Variants in STK32B observed in about 807,000 individuals in gnomAD.
The protein encoded by STK32B is serine/threonine-protein kinase 32B.
In STK32B, 43 loss-of-function variants were observed where a neutral mutation model predicts 52.6. The observed-to-expected ratio is 0.82, with a 90% confidence interval of 0.64 to 1.05. STK32B has a LOEUF of 1.05. STK32B is among the 50% of genes least tolerant of loss of function. STK32B has a pLI of 0.00. For missense variants in STK32B, 621 were observed against 534.6 expected (o/e 1.16, Z -1.59); for synonymous variants, 238 against 204.3 (o/e 1.17, Z -1.41).
intron 3 of STK32B, among the ~76,000 whole-genome samples, chr4:5,301,030 A>G (rs11729749): frequency 0.14 from 20,923 of 152,094 alleles, 2,887 homozygotes; most frequent in African/African-American, 0.36. Context: ...TTCTGAATAT[A>G]TTAAGATGAT....
chr4:5,384,574 G>A (rs540996974), intron 4 of STK32B, among the ~76,000 whole-genome samples: 28 of 152,144 alleles, frequency 1.8e-4, no homozygotes, highest in Non-Finnish European at 2.8e-4. Context: ...CTGCAGCCAC[G>A]TTCAGCTGGG....
chr4:5,492,530 A>G (rs1302964963), intron 11 of STK32B, among the ~76,000 whole-genome samples: 1 of 151,768 alleles, frequency 6.6e-6, no homozygotes, highest in African/African-American at 2.4e-5. Flanking sequence ...AAGAGGGACA[A>G]TTTGACTTCC....
chr4:5,348,579 G>T (rs1480791133), intron 4 of STK32B, among the ~76,000 whole-genome samples: 2 of 152,184 alleles, frequency 1.3e-5, no homozygotes, highest in Non-Finnish European at 2.9e-5. Context: ...GCAGGGTGCT[G>T]TGGGGCTGAA....
intron 6 of STK32B, among the ~76,000 whole-genome samples, chr4:5,419,218 A>G (rs1400513528): frequency 6.6e-6 from 1 of 152,186 alleles, no homozygotes; most frequent in South Asian, 2.1e-4. Flanking sequence ...TCCTAACTTA[A>G]CAGACCTATC....
chr4:5,484,879 T>C (rs2109208465), intron 11 of STK32B, among the ~76,000 whole-genome samples: 1 of 152,344 alleles, frequency 6.6e-6, no homozygotes, highest in East Asian at 1.9e-4. Context: ...AAATTCTGGG[T>C]TGAAAATTCT....
intron 2 of STK32B, among the ~76,000 whole-genome samples, chr4:5,164,234 T>C (rs1718685702): frequency 6.6e-6 from 1 of 152,142 alleles, no homozygotes; most frequent in Non-Finnish European, 1.5e-5. Flanking sequence ...GCTCTGAAGG[T>C]GGGTCTGTCC....
intron 2 of STK32B, among the ~76,000 whole-genome samples, chr4:5,166,286 T>C (rs1288812999): frequency 6.6e-6 from 1 of 151,616 alleles, no homozygotes; most frequent in African/African-American, 2.4e-5. Context: ...TGGGTTTGAG[T>C]TGAGCCTCGA....
At chr4:5,492,354 G>A (rs531026406) in intron 11 of STK32B, among the ~76,000 whole-genome samples, 5 of 152,140 alleles carry the variant, frequency 3.3e-5, no homozygotes, top group Non-Finnish European at 5.9e-5. Flanking sequence ...GTGAATGGGA[G>A]TTCACTCATG....
the STK32B span, among the ~76,000 whole-genome samples, chr4:5,021,028 T>C: frequency 6.6e-5 from 10 of 152,222 alleles, no homozygotes; most frequent in African/African-American, 1.9e-4. Context: ...CAACCAAAGA[T>C]GCAGCCCACA....
In STK32B at chr4:5,313,613, T is replaced by C. The variant is rs911723586; in HGVS notation, c.261-17607T>C. On this transcript the variant is annotated intron_variant, in intron 3 of 11. Transcript: ENST00000282908. ...TTATTTACATTAAAAAACAAAGAATTTATTAAAATTAAAATATCCTGGAAC... is the reference window on the plus strand; with the variant it reads ...TTATTTACATTAAAAAACAAAGAATCTATTAAAATTAAAATATCCTGGAAC... Among the ~76,000 whole-genome samples, 4 of 152,090 alleles carry C rather than the reference T, an allele frequency of 2.6e-5. No homozygotes were observed. In the East Asian group the frequency reaches 7.7e-4, roughly 29 times the overall value.
At chr4:5,088,992 C>G (rs1317161584) in intron 1 of STK32B, among the ~76,000 whole-genome samples, 1 of 151,662 alleles carries the variant, frequency 6.6e-6, no homozygotes, top group Non-Finnish European at 1.5e-5. Context: ...TTGAGACAAT[C>G]AAAAAAGCCA....
chr4:5,388,084 T>C (rs1203260936), intron 4 of STK32B, among the ~76,000 whole-genome samples: 1 of 152,164 alleles, frequency 6.6e-6, no homozygotes, highest in Non-Finnish European at 1.5e-5. Context: ...GAGAAGTCGC[T>C]TCACCTCTCC....
At chr4:5,074,295 AT>A (rs1231971994) in intron 1 of STK32B, among the ~76,000 whole-genome samples, 1 of 151,824 alleles carries the variant, frequency 6.6e-6, no homozygotes, top group African/African-American at 2.4e-5. Context: ...TCCCTTCTGT[AT>A]TGTCCACCCT....
At position 5,467,155 on chromosome 4, in the gene STK32B, T is replaced by G. The variant is rs991377904; in HGVS notation, c.1041+321T>G. On this transcript the variant is annotated intron_variant, in intron 10 of 11. Transcript: ENST00000282908. The surrounding 1 kb of genome is among the most constrained non-coding windows in gnomAD (Gnocchi z 5.8). ...AGGCCCCCAGGGCTGCACGATGACT[T>G]TTGTGGGTCCTGGGCACTTTGCCTC... Among the ~76,000 whole-genome samples, 1 of 152,162 alleles carries G rather than the reference T, an allele frequency of 6.6e-6. No individual in the cohort carries two copies. Among genetic ancestry groups the G allele is most frequent in the East Asian group, 1.9e-4 (1 of 5,178 alleles).
intron 2 of STK32B, 165 bp downstream of exon 2, chr4:5,140,125 G>A (rs1164928865): frequency 8.5e-6 from 12 of 1,409,394 alleles, no homozygotes; most frequent in South Asian, 3.6e-5. Flanking sequence ...GCGATCTGGT[G>A]TAATTTTCTT....
At chr4:5,366,573 C>T (rs1456172323) in intron 4 of STK32B, among the ~76,000 whole-genome samples, 1 of 152,206 alleles carries the variant, frequency 6.6e-6, no homozygotes, top group Non-Finnish European at 1.5e-5. Context: ...AAAATGTGCA[C>T]AGCAACCCTA....
intron 3 of STK32B, among the ~76,000 whole-genome samples, chr4:5,284,812 C>T (rs151008964): frequency 6.0e-4 from 91 of 152,250 alleles, no homozygotes; most frequent in African/African-American, 2.0e-3. Flanking sequence ...AGTGATCTCT[C>T]GCAGCTCTTG....
At chr4:5,402,623 TC>T (rs151256517) in intron 5 of STK32B, among the ~76,000 whole-genome samples, 4,526 of 152,302 alleles carry the variant, frequency 0.03, 220 homozygotes, top group African/African-American at 0.1. Context: ...TGGTGGCACA[TC>T]ACCTGGGTCC....
At chr4:5,493,919 T>A (rs1719967091) in intron 11 of STK32B, among the ~76,000 whole-genome samples, 1 of 152,274 alleles carries the variant, frequency 6.6e-6, no homozygotes, top group Non-Finnish European at 1.5e-5. Context: ...TGAGTTCTAG[T>A]TTGATAGCAC....
Sources: gnomAD v4.1 joint callset for allele counts (sites outside exome capture counted in the v4.1 genomes callset) on GRCh38, gnomAD v4.1.1 for gene constraint, Gnocchi (gnomAD v3.1) non-coding constraint, MANE v1.5 for transcripts, NCBI Gene and HGNC (gene_info 2026-07-23, HGNC 2026-07-21) for gene names.